The following SUPT3H variants were observed in gnomAD, a reference collection of about 807,000 sequenced individuals.
SUPT3H encodes SPT3 homolog, SAGA and STAGA complex component.
SUPT3H carries 44 observed loss-of-function variants against 44.3 expected under a neutral mutation model. The observed-to-expected ratio is 0.99, with a 90% CI of 0.78 to 1.28. SUPT3H has a LOEUF of 1.28. Ranked by LOEUF, SUPT3H falls within the 50% of genes most tolerant of loss-of-function variation. The pLI is 0.00. For missense variants in SUPT3H, 380 were observed against 387.1 expected, an observed-to-expected ratio of 0.98 and a Z score of 0.15; for synonymous variants, 124 against 125.6, an observed-to-expected ratio of 0.99 and a Z score of 0.09.
chr6:45,118,467 T>C (rs1171282591), intron 2 of SUPT3H, among the ~76,000 whole-genome samples: 1 of 152,154 alleles, frequency 6.6e-6, no homozygotes, highest in Non-Finnish European at 1.5e-5. Context: ...CAAACTCCTC[T>C]GTTTATTATA....
intron 3 of SUPT3H, among the ~76,000 whole-genome samples, chr6:45,082,139 A>C (rs983451863): frequency 6.6e-6 from 1 of 152,152 alleles, no homozygotes; most frequent in Non-Finnish European, 1.5e-5. Flanking sequence ...TCCAGAATTA[A>C]ATCAGTAATA....
At chr6:45,178,804 C>A (rs1262639030) in intron 2 of SUPT3H, among the ~76,000 whole-genome samples, 1 of 152,084 alleles carries the variant, frequency 6.6e-6, no homozygotes, top group Non-Finnish European at 1.5e-5. Context: ...ACAACCTGCT[C>A]CTGAATGACT....
chr6:45,109,004 T>C (rs1385493373), intron 2 of SUPT3H, among the ~76,000 whole-genome samples: 2 of 152,078 alleles, frequency 1.3e-5, no homozygotes, highest in Non-Finnish European at 2.9e-5. Flanking sequence ...CAAAAAATCA[T>C]CATTAACATA....
At chr6:45,053,372 A>G (rs1790609548) in intron 3 of SUPT3H, among the ~76,000 whole-genome samples, 2 of 152,248 alleles carry the variant, frequency 1.3e-5, no homozygotes, top group South Asian at 4.2e-4. Flanking sequence ...TGTGGCTAAC[A>G]GAATAGCAAC....
At chr6:45,151,741 C>T (rs1256521692) in intron 2 of SUPT3H, among the ~76,000 whole-genome samples, 2 of 152,098 alleles carry the variant, frequency 1.3e-5, no homozygotes, top group Non-Finnish European at 2.9e-5. Context: ...CAATTTATAT[C>T]AAGTTTCTCT....
intron 2 of SUPT3H, among the ~76,000 whole-genome samples, chr6:45,162,557 A>C (rs1001529449): frequency 4.6e-5 from 7 of 152,092 alleles, no homozygotes; most frequent in African/African-American, 1.7e-4. Context: ...ATACAAATTA[A>C]AGATAATTAG....
intron 7 of SUPT3H, among the ~76,000 whole-genome samples, chr6:44,960,236 G>A (rs889044888): frequency 5.9e-5 from 9 of 151,636 alleles, no homozygotes; most frequent in South Asian, 4.2e-4. Context: ...GTGAAACCCC[G>A]TGTCTATTAA....
At chr6:44,860,057 C>T (rs1327494297) in intron 10 of SUPT3H, among the ~76,000 whole-genome samples, 35 of 152,194 alleles carry the variant, frequency 2.3e-4, no homozygotes, top group Admixed American at 2.3e-3. Flanking sequence ...ATGACTCCCA[C>T]TGAGATAAGC....
chr6:45,024,084 TTC>T (rs1027920466), intron 3 of SUPT3H, among the ~76,000 whole-genome samples: 2 of 152,168 alleles, frequency 1.3e-5, no homozygotes, highest in African/African-American at 4.8e-5. Context: ...GTTATAGCAT[TTC>T]TGTTTTTTTC....
At chr6:45,350,041 A>T (rs1407392329) in intron 2 of SUPT3H, among the ~76,000 whole-genome samples, 1 of 152,254 alleles carries the variant, frequency 6.6e-6, no homozygotes, top group African/African-American at 2.4e-5. Flanking sequence ...ATATGTAAAG[A>T]TACATACAAT....
chr6:44,870,773 G>A (rs542513648), intron 10 of SUPT3H, among the ~76,000 whole-genome samples: 57 of 150,828 alleles, frequency 3.8e-4, no homozygotes, highest in Middle Eastern at 3.4e-3. Flanking sequence ...GAGAGTGGGC[G>A]CAGGCCAGTG....
At position 45,204,250 on chromosome 6, in the gene SUPT3H, A is replaced by AAAGAAGAACAAGAAGAAG. The variant is rs1554284627; in HGVS notation, c.102-98245_102-98244insCTTCTTCTTGTTCTTCTT. On this transcript the variant is annotated intron_variant, in intron 2 of 10. Transcript: ENST00000371459. ...TGACAGAGCAAGATTCCGTCTCAAA[A>AAAGAAGAACAAGAAGAAG]AAGAAGAAGAAGAAGAAGAAGAAGA... 6.3e-5 allele frequency among the ~76,000 whole-genome samples: 9 copies of AAAGAAGAACAAGAAGAAG among 143,052 alleles called. No homozygotes were observed. In the Admixed American group the frequency reaches 6.4e-4, roughly 10 times the overall value. The allele number at this position is 143,052 out of a possible 152,430, so 93.8% of individuals were successfully genotyped here.
chr6:45,005,700 CAA>C (rs67476240), intron 5 of SUPT3H, among the ~76,000 whole-genome samples: 15 of 130,964 alleles, frequency 1.1e-4, no homozygotes, highest in South Asian at 2.4e-4. Flanking sequence ...AAACTCGTCT[CAA>C]AAAAAAAAAA....
rs141465909 is a variant in SUPT3H at position 45,046,276 on chromosome 6, A to G, written c.187-25644T>C. On this transcript the variant is annotated intron_variant, in intron 3 of 10. Coordinates refer to ENST00000371459, the MANE Select transcript of SUPT3H (RefSeq NM_003599.4). ...ATATCTGCATTTCTTATTCTGTTCC[A>G]TTGATGTATATGTATGTCTATCTTT... is the stretch of plus-strand genomic sequence containing the variant. Among the ~76,000 whole-genome samples, 391 of 152,082 alleles carry G rather than the reference A, an allele frequency of 2.6e-3. 3 individuals are homozygous for G. The highest frequency in any genetic ancestry group is 8.6e-3 in the African/African-American group (357 of 41,472).
chr6:44,879,587 G>T (rs528057463), intron 10 of SUPT3H, among the ~76,000 whole-genome samples: 8 of 150,596 alleles, frequency 5.3e-5, no homozygotes, highest in African/African-American at 1.9e-4. Flanking sequence ...CAAGGGACAG[G>T]CTGCCTCCTC....
At chr6:45,109,590 G>C (rs937234870) in intron 2 of SUPT3H, among the ~76,000 whole-genome samples, 1 of 152,122 alleles carries the variant, frequency 6.6e-6, no homozygotes, top group African/African-American at 2.4e-5. Context: ...CATTTGATGA[G>C]TATATTATTT....
At chr6:45,142,128 A>T (rs902172419) in intron 2 of SUPT3H, among the ~76,000 whole-genome samples, 11 of 152,306 alleles carry the variant, frequency 7.2e-5, no homozygotes, top group Admixed American at 6.5e-4. Context: ...TCAGCCAAGC[A>T]TTTTGTATCC....
intron 2 of SUPT3H, among the ~76,000 whole-genome samples, chr6:45,216,264 T>C (rs756888451): frequency 7.3e-5 from 11 of 151,384 alleles, no homozygotes; most frequent in Middle Eastern, 3.4e-3. Context: ...ACTACCATCA[T>C]GAAAACACAC....
chr6:45,139,835 G>A (rs1804884677), intron 2 of SUPT3H, among the ~76,000 whole-genome samples: 1 of 152,066 alleles, frequency 6.6e-6, no homozygotes, highest in African/African-American at 2.4e-5. Context: ...GCGGTCACAG[G>A]GTGAACGAAG....
Sources: gnomAD v4.1 joint callset for allele counts (sites outside exome capture counted in the v4.1 genomes callset) on GRCh38, gnomAD v4.1.1 for gene constraint, MANE v1.5 for transcripts, NCBI Gene and HGNC (gene_info 2026-07-23, HGNC 2026-07-21) for gene names.